The following UBAC1 variants were observed in gnomAD, a reference collection of about 807,000 sequenced individuals.
The protein encoded by UBAC1 is UBA domain containing 1, also known as ubiquitin-associated domain-containing protein 1.
UBAC1 carries 27 observed loss-of-function variants against 45.9 expected under a neutral mutation model. The ratio of observed to expected loss-of-function variants is 0.59; its 90% CI spans 0.43 to 0.81. The LOEUF (loss-of-function observed/expected upper bound fraction) is 0.81, where lower values mean the gene tolerates loss of function less well. UBAC1 is among the 30% of genes least tolerant of loss of function. The pLI is 0.00. For missense variants in UBAC1, 529 were observed against 539.2 expected (o/e 0.98, Z 0.19); for synonymous variants, 227 against 215.5 (o/e 1.05, Z -0.47).
intron 1 of UBAC1, among the ~76,000 whole-genome samples, chr9:135,956,954 G>A (rs1839474117): frequency 6.6e-6 from 1 of 152,222 alleles, no homozygotes; most frequent in Non-Finnish European, 1.5e-5. Flanking sequence ...CACCACCCCA[G>A]GACAGGCCGT....
intron 9 of UBAC1, 152 bp downstream of exon 9, chr9:135,938,070 A>G: frequency 1.6e-6 from 2 of 1,240,696 alleles, no homozygotes; most frequent in Admixed American, 2.3e-5. Context: ...CTACACCCGC[A>G]GGATGCCAAC....
chr9:135,947,270 A>C (rs1839349793), intron 4 of UBAC1, among the ~76,000 whole-genome samples: 1 of 151,368 alleles, frequency 6.6e-6, no homozygotes, highest in Non-Finnish European at 1.5e-5. Context: ...TTTTTTCTTG[A>C]GACGGAGTTT....
intron 9 of UBAC1, among the ~76,000 whole-genome samples, chr9:135,936,636 G>C (rs866084628): frequency 6.6e-6 from 1 of 151,914 alleles, no homozygotes; most frequent in African/African-American, 2.4e-5. Flanking sequence ...TGGGATTACA[G>C]GTGCATACCA....
intron 4 of UBAC1, chr9:135,947,564 G>A: frequency 2.2e-6 from 1 of 450,404 alleles, no homozygotes; most frequent in Non-Finnish European, 3.9e-6. Context: ...CGTTTTCCCA[G>A]GGGTATCTAT....
In UBAC1 at chr9:135,938,094, C is replaced by A. The variant is rs560137894; in HGVS notation, c.1102+128G>T. On this transcript the variant is annotated intron_variant, in intron 9 of 9. Transcript: ENST00000371756. ...CAGGATGCCAACCTGCATGGCAGGA[C>A]GTGCTGCCAGCGCACGGCGATCCTC... 4,389 of 1,407,242 alleles carry A rather than the reference C, an allele frequency of 3.1e-3. 9 individuals are homozygous for A. The highest frequency in any genetic ancestry group is 4.2e-3 in the Admixed American group (196 of 46,886). 87.2% of individuals were successfully genotyped at this position (1,407,242 alleles called of 1,614,324 possible). A position where few individuals can be genotyped will look rare whatever the true frequency, so the allele number is the denominator to read the frequency against.
At chr9:135,953,659 A>C (rs754447322) in intron 3 of UBAC1, 21 bp downstream of exon 3, 2 of 1,610,630 alleles carry the variant, frequency 1.2e-6, no homozygotes. Flanking sequence ...AAGGTCCCCA[A>C]TTGCAAACTT....
chr9:135,945,036 CA>C lies in UBAC1; in HGVS notation c.867del (p.Asp290MetfsTer8). 1.2e-6 allele frequency: 2 copies of C among 1,613,506 alleles called. No homozygotes were observed. Among genetic ancestry groups the C allele is most frequent in the Non-Finnish European group, 1.7e-6 (2 of 1,179,706 alleles). On this transcript the variant is annotated frameshift_variant, in exon 7 of 10. Transcript: ENST00000371756. LOFTEE classifies it high-confidence loss of function. ...KKIRRKREFR[A>X]DARAVISLME... ...GGTCTAGTAACACATACCCGAGCAT[CA>C]GCCCGAAACTCCCTTTTCCTCCGGA...
At chr9:135,942,474 A>G (rs1347930583) in intron 7 of UBAC1, among the ~76,000 whole-genome samples, 1 of 152,102 alleles carries the variant, frequency 6.6e-6, no homozygotes, top group Non-Finnish European at 1.5e-5. Context: ...ACACAGGGAG[A>G]TCCCTATCTG....
chr9:135,944,965 C>T (rs1466154100), intron 7 of UBAC1, 63 bp downstream of exon 7: 10 of 1,506,368 alleles, frequency 6.6e-6, no homozygotes, highest in Non-Finnish European at 8.1e-6. Context: ...GCTTCCTTTC[C>T]ATGGCGCCAC....
At chr9:135,945,300 C>T (rs1174066704) in intron 6 of UBAC1, 50 bp from the exon 7 acceptor site, 2 of 1,447,996 alleles carry the variant, frequency 1.4e-6, no homozygotes, top group East Asian at 2.4e-5. Flanking sequence ...CGGACCAGGG[C>T]CTTCGCCTCC....
intron 3 of UBAC1, among the ~76,000 whole-genome samples, chr9:135,949,779 T>C (rs958090608): frequency 1.3e-5 from 2 of 152,182 alleles, no homozygotes; most frequent in Non-Finnish European, 2.9e-5. Flanking sequence ...CTGCACAGCA[T>C]GAGCAGGACA....
Position 135,955,340 on chromosome 9 carries a change from G to A in UBAC1, c.214C>T (p.Leu72=), listed in dbSNP as rs4842056. The A allele has an allele frequency of 6.2e-7, 1 of 1,607,862 alleles. No individual in the cohort carries two copies. The highest frequency in any genetic ancestry group is 8.5e-7 in the Non-Finnish European group (1 of 1,178,356). The change falls in exon 2 of 10, where the codon CTG becomes TTG. Residue 72 remains leucine (L), a synonymous_variant. Coordinates refer to ENST00000371756, the MANE Select transcript of UBAC1 (RefSeq NM_016172.3). The part of the protein sequence containing the change: ...KLIHAASERV[L]SDARTILEEN... ...TCCAGGATGGTCCTGGCATCACTCAGCACCCTCTCTGAGGCAGCGTGGATT... is the reference window on the plus strand; with the variant it reads ...TCCAGGATGGTCCTGGCATCACTCAACACCCTCTCTGAGGCAGCGTGGATT...
intron 4 of UBAC1, among the ~76,000 whole-genome samples, chr9:135,947,123 G>GCCGT (rs1437900083): frequency 6.6e-6 from 1 of 152,204 alleles, no homozygotes; most frequent in Admixed American, 6.5e-5. Context: ...TTGGAAGCCA[G>GCCGT]CCGTCCTCCC....
chr9:135,955,239 C>T (rs760763052), intron 2 of UBAC1, 56 bp downstream of exon 2: 71 of 1,443,198 alleles, frequency 4.9e-5, no homozygotes, highest in Non-Finnish European at 5.7e-5. Context: ...CTGGCTCCAG[C>T]GCCCCCAGCA....
intron 2 of UBAC1, among the ~76,000 whole-genome samples, chr9:135,954,310 T>C (rs1413264997): frequency 2.0e-5 from 3 of 152,020 alleles, no homozygotes; most frequent in Non-Finnish European, 4.4e-5. Context: ...TTGCGCATGG[T>C]GGCACATGCC....
In UBAC1 at chr9:135,938,377, A is replaced by G. The variant is rs371290638; in HGVS notation, c.964-17T>C. 2.1e-5 allele frequency: 34 copies of G among 1,611,396 alleles called. No individual in the cohort carries two copies. Among genetic ancestry groups the G allele is most frequent in the Non-Finnish European group, 2.9e-5 (34 of 1,179,438 alleles). ...CCACTCGCACTGCAAAGCCAAGAGC[A>G]CCAATACCACTGTTAGCGCCTTCAG... On this transcript the variant is annotated splice_polypyrimidine_tract_variant and intron_variant, in intron 8 of 9. Coordinates refer to ENST00000371756, the MANE Select transcript of UBAC1 (RefSeq NM_016172.3).
intron 9 of UBAC1, among the ~76,000 whole-genome samples, chr9:135,934,897 T>C (rs1839185773): frequency 1.3e-5 from 2 of 152,204 alleles, no homozygotes; most frequent in South Asian, 4.1e-4. Context: ...TAATTTTTTT[T>C]TGAGACAGCG....
intron 2 of UBAC1, 59 bp downstream of exon 2, chr9:135,955,236 C>A: frequency 6.9e-7 from 1 of 1,441,412 alleles, no homozygotes; most frequent in Non-Finnish European, 9.1e-7. Flanking sequence ...CTCCTGGCTC[C>A]AGCGCCCCCA....
intron 6 of UBAC1, 107 bp downstream of exon 6, chr9:135,945,782 G>A: frequency 1.2e-6 from 1 of 824,744 alleles, no homozygotes; most frequent in Non-Finnish European, 1.9e-6. Flanking sequence ...CGTTAGAAAT[G>A]ATTCAGTCAA....
Sources: allele counts gnomAD v4.1 joint callset (sites outside exome capture counted in the v4.1 genomes callset), GRCh38; gene constraint gnomAD v4.1.1; transcripts MANE v1.5; gene names NCBI Gene and HGNC (gene_info 2026-07-23, HGNC 2026-07-21).